Variants in LOXHD1 observed in about 807,000 individuals in gnomAD.
LOXHD1 encodes the protein lipoxygenase homology domain-containing protein 1.
In LOXHD1, 205 loss-of-function variants were observed where a neutral mutation model predicts 248.2. That is an observed-to-expected ratio of 0.83 (90% CI 0.74 to 0.93). The LOEUF (loss-of-function observed/expected upper bound fraction) is 0.93, where lower values mean the gene tolerates loss of function less well. Ranked by LOEUF, LOXHD1 falls within the 40% of genes least tolerant of loss-of-function variation. LOXHD1 has a pLI of 0.00. For synonymous variants in LOXHD1, 1,113 were observed against 1,162.8 expected (o/e 0.96, Z 0.87); for missense variants, 2,930 against 2,971.6 (o/e 0.99, Z 0.33).
intron 37 of LOXHD1, among the ~76,000 whole-genome samples, chr18:46,503,148 C>A (rs927998710): frequency 6.6e-6 from 1 of 152,128 alleles, no homozygotes; most frequent in African/African-American, 2.4e-5. Flanking sequence ...GACATCTTGC[C>A]AGTGTGTGCT....
chr18:46,650,934 T>C (rs1207704256), intron 1 of LOXHD1, among the ~76,000 whole-genome samples: 2 of 152,186 alleles, frequency 1.3e-5, no homozygotes, highest in African/African-American at 2.4e-5. Context: ...TGAACGATCT[T>C]ACCTGGTTTG....
At position 46,483,604 on chromosome 18, in the gene LOXHD1, C is replaced by G; in HGVS notation, c.6324G>C (p.Glu2108Asp). 6.4e-7 allele frequency: 1 copy of G among 1,551,690 alleles called. No homozygotes were observed. The highest frequency in any genetic ancestry group is 8.7e-7 in the Non-Finnish European group (1 of 1,146,990). Residue 2108 changes from glutamate to aspartate, a missense_variant, in exon 40 of 41, where the codon GAG becomes GAC. Coordinates refer to ENST00000642948, the MANE Select transcript of LOXHD1 (RefSeq NM_001384474.1). Reference sequence around the variant, plus strand: ...GTACATACACATTGCCGTACTCCATCTCGGTGATGGTGATGGTCTTGACAT... The same window carrying G: ...GTACATACACATTGCCGTACTCCATGTCGGTGATGGTGATGGTCTTGACAT... ...AWHVKTITIT[E>D]MEYGNVYFFN...
chr18:46,615,198 A>G (rs1353401294), intron 5 of LOXHD1, among the ~76,000 whole-genome samples: 2 of 152,182 alleles, frequency 1.3e-5, no homozygotes, highest in Non-Finnish European at 2.9e-5. Flanking sequence ...AGATTCTCCC[A>G]TGTCATATTG....
At chr18:46,637,991 A>C (rs913535721) in intron 4 of LOXHD1, among the ~76,000 whole-genome samples, 1 of 152,170 alleles carries the variant, frequency 6.6e-6, no homozygotes, top group African/African-American at 2.4e-5. Context: ...AATTTTTTAG[A>C]GGGGGAGCAC....
In LOXHD1 at chr18:46,560,125, G is replaced by A. The variant is rs979758694; in HGVS notation, c.3019C>T (p.Leu1007Phe). The A allele has an allele frequency of 1.5e-6, 2 of 1,307,260 alleles. No individual in the cohort carries two copies. Among genetic ancestry groups the A allele is most frequent in the South Asian group, 1.2e-5 (1 of 81,166 alleles). The allele number at this position is 1,307,260 out of a possible 1,614,324, so 81.0% of individuals were successfully genotyped here. ...CCAGCTGGCACCAACTCCACGACAA[G>A]TTCGTTGTCCTCCTTGCCCCGGGCC... ...WLARGKEDNE[L>F]VVELVPAGKP... The change falls in exon 19 of 41, where the codon CTT becomes TTT. Residue 1007 changes from leucine to phenylalanine, a missense_variant. Transcript: ENST00000642948.
At chr18:46,526,622 G>A (rs1026711298) in intron 29 of LOXHD1, among the ~76,000 whole-genome samples, 1 of 152,222 alleles carries the variant, frequency 6.6e-6, no homozygotes, top group Non-Finnish European at 1.5e-5. Context: ...GGCCATGAAG[G>A]TCTACAAATC....
At chr18:46,514,247 G>A (rs144561324) in intron 34 of LOXHD1, among the ~76,000 whole-genome samples, 107 of 152,294 alleles carry the variant, frequency 7.0e-4, no homozygotes, top group African/African-American at 2.5e-3. Flanking sequence ...GCTACAGATG[G>A]TGCTTTGAGA....
intron 4 of LOXHD1, among the ~76,000 whole-genome samples, chr18:46,620,005 G>A (rs1203538792): frequency 6.6e-6 from 1 of 152,210 alleles, no homozygotes; most frequent in Admixed American, 6.5e-5. Context: ...GAACTCTGAG[G>A]TGAGCAGCTT....
In LOXHD1 at chr18:46,560,193, T is replaced by C; in HGVS notation, c.2951A>G (p.Gln984Arg). 6.4e-7 allele frequency: 1 copy of C among 1,551,784 alleles called. No individual in the cohort carries two copies. The highest frequency in any genetic ancestry group is 8.7e-7 in the Non-Finnish European group (1 of 1,147,006). The change falls in exon 19 of 41, where the codon CAG (glutamine) becomes CGG (arginine). Residue 984 changes from glutamine (Q) to arginine (R), a missense_variant. Physicochemically the swap from Gln to Arg is conservative, Grantham distance 43. Coordinates refer to ENST00000642948, the MANE Select transcript of LOXHD1 (RefSeq NM_001384474.1). ...EEEEEFGPGM[Q>R]EVIEQHKFEA... ...GAACTTGTGCTGCTCAATCACCTCC[T>C]GCATCCCCGGCCCAAACTCCTCCTC...
At chr18:46,609,438 C>G (rs328124) in intron 6 of LOXHD1, among the ~76,000 whole-genome samples, 45,836 of 152,202 alleles carry the variant, frequency 0.3, 8,468 homozygotes, top group East Asian at 0.42. Context: ...AATAATAAAA[C>G]CTCAACTATC....
intron 12 of LOXHD1, among the ~76,000 whole-genome samples, chr18:46,585,351 A>T (rs2038039437): frequency 6.6e-6 from 1 of 152,212 alleles, no homozygotes; most frequent in Non-Finnish European, 1.5e-5. Flanking sequence ...AAAGTTGTAG[A>T]GTACAAGATC....
intron 34 of LOXHD1, among the ~76,000 whole-genome samples, chr18:46,517,100 C>A (rs1441231862): frequency 2.0e-5 from 3 of 152,116 alleles, no homozygotes; most frequent in Non-Finnish European, 2.9e-5. Context: ...TGTTCAGAGG[C>A]AAGTTGCTGT....
At position 46,582,516 on chromosome 18, in the gene LOXHD1, A is replaced by G. The variant is rs138306825; in HGVS notation, c.1655-2732T>C. Among the ~76,000 whole-genome samples, 429 of 152,384 alleles carry G rather than the reference A, an allele frequency of 2.8e-3. 1 individual carries two copies. The highest frequency in any genetic ancestry group is 8.7e-3 in the Admixed American group (133 of 15,308). ...AAGAATATAAAAATGTATAAGACAT[A>G]TAAGTAGTAAGAAACAAAAAAGATA... is the stretch of plus-strand genomic sequence containing the variant. On this transcript the variant is annotated intron_variant, in intron 12 of 40. Transcript: ENST00000642948.
intron 29 of LOXHD1, among the ~76,000 whole-genome samples, chr18:46,526,585 G>C (rs2035840817): frequency 6.6e-6 from 1 of 152,210 alleles, no homozygotes; most frequent in African/African-American, 2.4e-5. Flanking sequence ...GTCTACAGAG[G>C]GCACTCTGAA....
At chr18:46,597,359 A>G (rs902260554) in intron 8 of LOXHD1, among the ~76,000 whole-genome samples, 1 of 152,240 alleles carries the variant, frequency 6.6e-6, no homozygotes, top group African/African-American at 2.4e-5. Context: ...AAATATAAGC[A>G]GACTAAATTT....
intron 34 of LOXHD1, among the ~76,000 whole-genome samples, chr18:46,512,404 G>T (rs941297600): frequency 2.6e-5 from 4 of 151,852 alleles, no homozygotes; most frequent in African/African-American, 9.7e-5. Flanking sequence ...AGCACCCATT[G>T]CCTAGACACC....
chr18:46,604,041 GC>G, intron 7 of LOXHD1, 64 bp downstream of exon 7: 1 of 1,543,204 alleles, frequency 6.5e-7, no homozygotes, highest in Non-Finnish European at 8.8e-7. Flanking sequence ...CCCCACAGAT[GC>G]CAACAGCGAC....
rs189420798 is a variant in LOXHD1 at position 46,644,908 on chromosome 18, T to C, written c.246-2872A>G. On this transcript the variant is annotated intron_variant, in intron 2 of 40. Transcript: ENST00000642948. ...ACACCAGGGAGAAGATCCACCAGGA[T>C]GGACAGAGCAAGAGCAGAGGGAGTG... is the stretch of plus-strand genomic sequence containing the variant. Among the ~76,000 whole-genome samples the C allele has an allele frequency of 5.0e-3, 766 of 152,270 alleles. 8 individuals carry two copies. Among genetic ancestry groups the C allele is most frequent in the African/African-American group, 0.018 (737 of 41,546 alleles).
At chr18:46,485,706 T>C (rs1298047561) in intron 38 of LOXHD1, among the ~76,000 whole-genome samples, 1 of 152,122 alleles carries the variant, frequency 6.6e-6, no homozygotes, top group Non-Finnish European at 1.5e-5. Flanking sequence ...TGGGTGACAC[T>C]AGAACTCAAT....
Sources: allele counts gnomAD v4.1 joint callset (sites outside exome capture counted in the v4.1 genomes callset), GRCh38; gene constraint gnomAD v4.1.1; transcripts MANE v1.5; gene names NCBI Gene and HGNC (gene_info 2026-07-23, HGNC 2026-07-21).